The following TMEM132C variants were observed in gnomAD, a reference collection of about 807,000 sequenced individuals.
The protein encoded by TMEM132C is transmembrane protein 132C, also known as protein phosphatase 1, regulatory subunit 152.
Under a neutral mutation model 61.4 loss-of-function variants are expected in TMEM132C, and 29 were observed. That is an observed-to-expected ratio of 0.47 (90% CI 0.35 to 0.64). The LOEUF is 0.64. TMEM132C is among the 30% of genes least tolerant of loss of function. The probability of loss-of-function intolerance (pLI) is 0.00; values close to 1 mark genes in which losing one functional copy is unlikely to be tolerated. For missense variants in TMEM132C, 1,408 were observed against 1,476.9 expected (o/e 0.95, Z 0.76); for synonymous variants, 656 against 633.1 (o/e 1.04, Z -0.54).
intron 2 of TMEM132C, among the ~76,000 whole-genome samples, chr12:128,427,349 T>C (rs1321788054): frequency 6.6e-6 from 1 of 151,742 alleles, no homozygotes; most frequent in Non-Finnish European, 1.5e-5. Flanking sequence ...GTGTGTTTTT[T>C]TGTATTTATT....
chr12:128,494,967 C>G, intron 2 of TMEM132C, among the ~76,000 whole-genome samples: 1 of 144,286 alleles, frequency 6.9e-6, no homozygotes, highest in Non-Finnish European at 1.5e-5. Flanking sequence ...TTCCTCCTTT[C>G]TCTTGTGGGC....
intron 4 of TMEM132C, among the ~76,000 whole-genome samples, chr12:128,652,505 C>T (rs1191238063): frequency 6.6e-6 from 1 of 152,230 alleles, no homozygotes; most frequent in African/African-American, 2.4e-5. Flanking sequence ...AATGAGACAC[C>T]ATCCAAGAAC....
chr12:128,455,429 A>G (rs1870307200), intron 2 of TMEM132C, among the ~76,000 whole-genome samples: 1 of 152,198 alleles, frequency 6.6e-6, no homozygotes, highest in African/African-American at 2.4e-5. Flanking sequence ...TATGTGACCT[A>G]CTGAAGCAGT....
intron 2 of TMEM132C, among the ~76,000 whole-genome samples, chr12:128,535,487 A>T (rs1159563775): frequency 1.3e-5 from 2 of 152,228 alleles, no homozygotes; most frequent in Non-Finnish European, 2.9e-5. Context: ...CACATGAAAA[A>T]ATGCTCATCA....
intron 2 of TMEM132C, among the ~76,000 whole-genome samples, chr12:128,509,738 C>T (rs949267103): frequency 5.3e-5 from 8 of 151,978 alleles, no homozygotes; most frequent in African/African-American, 9.7e-5. Flanking sequence ...AGGTCTGAGA[C>T]CTCTGCAGAG....
intron 5 of TMEM132C, among the ~76,000 whole-genome samples, chr12:128,681,270 G>A (rs183572066): frequency 9.9e-5 from 15 of 152,220 alleles, no homozygotes; most frequent in East Asian, 1.9e-4. Context: ...GTGAGCCACC[G>A]CACCCGGCCT....
chr12:128,565,216 G>A (rs1188137078), intron 3 of TMEM132C, among the ~76,000 whole-genome samples: 2 of 152,200 alleles, frequency 1.3e-5, no homozygotes, highest in Non-Finnish European at 2.9e-5. Flanking sequence ...AGCCCATGGT[G>A]AGCAGAATTC....
At chr12:128,578,447 T>C (rs1331245772) in intron 3 of TMEM132C, among the ~76,000 whole-genome samples, 1 of 152,160 alleles carries the variant, frequency 6.6e-6, no homozygotes, top group African/African-American at 2.4e-5. Flanking sequence ...ATAACACCCT[T>C]TTACTTGAGT....
intron 3 of TMEM132C, among the ~76,000 whole-genome samples, chr12:128,566,220 A>G (rs376723559): frequency 6.7e-6 from 1 of 150,312 alleles, no homozygotes; most frequent in East Asian, 1.9e-4. Context: ...TTTAATCAAT[A>G]GCTGTCTCTG....
chr12:128,342,841 C>T (rs546468500), intron 1 of TMEM132C, among the ~76,000 whole-genome samples: 1 of 152,320 alleles, frequency 6.6e-6, no homozygotes, highest in African/African-American at 2.4e-5. Flanking sequence ...GCCCTTTGAA[C>T]TTCATTTCCT....
chr12:128,654,818 A>G (rs1954307744), intron 4 of TMEM132C, among the ~76,000 whole-genome samples: 2 of 152,218 alleles, frequency 1.3e-5, no homozygotes, highest in Non-Finnish European at 2.9e-5. Context: ...CAGAGGTGAC[A>G]GAGAAGGCGT....
intron 1 of TMEM132C, among the ~76,000 whole-genome samples, chr12:128,287,217 C>G (rs1871103797): frequency 6.6e-6 from 1 of 152,160 alleles, no homozygotes; most frequent in African/African-American, 2.4e-5. Flanking sequence ...ATGTCTCCAG[C>G]CATTGCCAAA....
intron 2 of TMEM132C, among the ~76,000 whole-genome samples, chr12:128,419,176 C>T (rs935263844): frequency 1.3e-5 from 2 of 152,076 alleles, no homozygotes; most frequent in African/African-American, 2.4e-5. Context: ...TTAGTACAGC[C>T]TCCAAGACTG....
intron 2 of TMEM132C, among the ~76,000 whole-genome samples, chr12:128,515,306 G>C (rs569802460): frequency 6.6e-6 from 1 of 152,190 alleles, no homozygotes; most frequent in East Asian, 1.9e-4. Context: ...GCATTTACCC[G>C]TAATAATGGG....
intron 4 of TMEM132C, among the ~76,000 whole-genome samples, chr12:128,626,420 C>T (rs1392557578): frequency 1.0e-4 from 13 of 125,884 alleles, no homozygotes; most frequent in South Asian, 2.2e-4. Context: ...TGAGCCACTG[C>T]GCCTGGCCTG....
intron 2 of TMEM132C, among the ~76,000 whole-genome samples, chr12:128,461,736 G>A (rs1420967883): frequency 3.9e-5 from 6 of 152,156 alleles, no homozygotes; most frequent in African/African-American, 1.4e-4. Flanking sequence ...CAAAGTTGAT[G>A]TGTGTGATAG....
At chr12:128,544,746 T>C (rs1422919255) in intron 3 of TMEM132C, among the ~76,000 whole-genome samples, 1 of 152,208 alleles carries the variant, frequency 6.6e-6, no homozygotes, top group African/African-American at 2.4e-5. Context: ...AAGGCTAATG[T>C]ATGCTAAATA....
chr12:128,301,861 G>A (rs1014369232), intron 1 of TMEM132C, among the ~76,000 whole-genome samples: 4 of 152,190 alleles, frequency 2.6e-5, no homozygotes, highest in Non-Finnish European at 5.9e-5. Context: ...GGCTGGGGAG[G>A]CCTCACAATC....
At chr12:128,366,331 C>T (rs369819361) in intron 1 of TMEM132C, among the ~76,000 whole-genome samples, 1 of 152,192 alleles carries the variant, frequency 6.6e-6, no homozygotes, top group South Asian at 2.1e-4. Context: ...AGTGCCATTT[C>T]CCCCCAGCGT....
Sources: gnomAD v4.1 joint callset for allele counts (sites outside exome capture counted in the v4.1 genomes callset) on GRCh38, gnomAD v4.1.1 for gene constraint, MANE v1.5 for transcripts, NCBI Gene and HGNC (gene_info 2026-07-23, HGNC 2026-07-21) for gene names.